PRKCA: variants seen among roughly 807,000 people sequenced by gnomAD.
The protein encoded by PRKCA is protein kinase C alpha.
A neutral mutation model predicts 87.0 loss-of-function variants in PRKCA; 27 were observed. The ratio of observed to expected loss-of-function variants is 0.31; its 90% confidence interval spans 0.23 to 0.43. The LOEUF is 0.43. Among genes scored for constraint, PRKCA ranks in the 20% least tolerant of loss-of-function variants. PRKCA has a pLI of 1.00. For missense variants in PRKCA, 518 were observed against 852.3 expected (o/e 0.61, Z 4.88); for synonymous variants, 329 against 311.1 (o/e 1.06, Z -0.61).
At chr17:66,647,819 A>G (rs1451785440) in intron 5 of PRKCA, among the ~76,000 whole-genome samples, 2 of 152,188 alleles carry the variant, frequency 1.3e-5, no homozygotes, top group South Asian at 2.1e-4. Flanking sequence ...AAAGCCAGCC[A>G]GTATTGCTTA....
In PRKCA at chr17:66,350,841, C is replaced by T. The variant is rs76352129; in HGVS notation, c.205+44714C>T. ...TGACTAGCCTGGGACCAGTTTTTGA[C>T]GGTCCCTAGCCTTCCATGAGCATTC... is the stretch of plus-strand genomic sequence containing the variant. On this transcript the variant is annotated intron_variant, in intron 2 of 16. Transcript: ENST00000413366. Among the ~76,000 whole-genome samples the T allele has an allele frequency of 3.7e-3, 557 of 152,276 alleles. 1 individual carries two copies. Among genetic ancestry groups the T allele is most frequent in the Non-Finnish European group, 6.4e-3 (433 of 68,016 alleles).
intron 8 of PRKCA, among the ~76,000 whole-genome samples, chr17:66,718,280 A>G (rs1388317964): frequency 1.3e-5 from 2 of 152,152 alleles, no homozygotes; most frequent in African/African-American, 2.4e-5. Flanking sequence ...CACATGGTAG[A>G]TGGGATGAGG....
chr17:66,418,360 G>A (rs1371870291), intron 2 of PRKCA, among the ~76,000 whole-genome samples: 1 of 151,852 alleles, frequency 6.6e-6, no homozygotes, highest in East Asian at 1.9e-4. Context: ...ATAATATACA[G>A]TAAACAGTAA....
intron 3 of PRKCA, among the ~76,000 whole-genome samples, chr17:66,507,329 G>T (rs773760817): frequency 6.6e-6 from 1 of 152,208 alleles, no homozygotes; most frequent in Non-Finnish European, 1.5e-5. Context: ...GCAGTAGTAA[G>T]TGGAGCACTA....
intron 3 of PRKCA, among the ~76,000 whole-genome samples, chr17:66,595,356 T>C (rs993479589): frequency 2.0e-5 from 3 of 152,062 alleles, no homozygotes; most frequent in Admixed American, 6.6e-5. Context: ...CTTTCGCAAG[T>C]ACATCAGTCG....
chr17:66,568,206 A>G (rs1968957462), intron 3 of PRKCA, among the ~76,000 whole-genome samples: 1 of 152,088 alleles, frequency 6.6e-6, no homozygotes. Context: ...CCCAGCTGCT[A>G]GGGAGGCTGA....
intron 2 of PRKCA, among the ~76,000 whole-genome samples, chr17:66,342,654 A>G (rs1907114915): frequency 6.6e-6 from 1 of 152,002 alleles, no homozygotes; most frequent in Non-Finnish European, 1.5e-5. Flanking sequence ...GGAGGCAGAG[A>G]GAGGAAAAGT....
At chr17:66,480,713 G>T (rs1324070233) in intron 2 of PRKCA, among the ~76,000 whole-genome samples, 2 of 151,632 alleles carry the variant, frequency 1.3e-5, no homozygotes, top group African/African-American at 4.8e-5. Flanking sequence ...TGAAACCAAA[G>T]CCAAACCAGA....
intron 11 of PRKCA, among the ~76,000 whole-genome samples, chr17:66,739,458 A>T (rs1056054402): frequency 1.3e-5 from 2 of 152,204 alleles, no homozygotes; most frequent in African/African-American, 4.8e-5. Context: ...TGCACCAGGC[A>T]CTGGGGTTGC....
At chr17:66,774,540 A>T in intron 14 of PRKCA, 1 of 794,532 alleles carries the variant, frequency 1.3e-6, no homozygotes, top group Non-Finnish European at 1.5e-6. Flanking sequence ...AGAATTGCTT[A>T]AGCCTGAGAG....
At chr17:66,388,296 CT>C (rs113272101) in intron 2 of PRKCA, among the ~76,000 whole-genome samples, 28 of 148,060 alleles carry the variant, frequency 1.9e-4, no homozygotes, top group Admixed American at 2.0e-4. Context: ...ATACTTACCT[CT>C]TTTTTTTTTT....
chr17:66,736,764 A>C (rs1974039749), intron 10 of PRKCA, among the ~76,000 whole-genome samples: 2 of 152,216 alleles, frequency 1.3e-5, no homozygotes, highest in Non-Finnish European at 2.9e-5. Context: ...AAAGAGTCAT[A>C]TATCGTGACA....
At chr17:66,726,473 G>C (rs574078226) in intron 8 of PRKCA, among the ~76,000 whole-genome samples, 3 of 152,338 alleles carry the variant, frequency 2.0e-5, no homozygotes, top group South Asian at 4.1e-4. Flanking sequence ...GAGAAGGAAG[G>C]AGTGTTGGGG....
chr17:66,498,231 AT>A (rs1916570180), intron 3 of PRKCA, among the ~76,000 whole-genome samples: 1 of 152,138 alleles, frequency 6.6e-6, no homozygotes, highest in Non-Finnish European at 1.5e-5. Context: ...AGAGATAAAA[AT>A]AGCTGGAACG....
rs1264846926 is a variant in PRKCA, at chr17:66,808,564, AC to A, written c.*4528del. The A allele has an allele frequency of 6.6e-6, 1 of 152,214 alleles. No individual in the cohort carries two copies. The highest frequency in any genetic ancestry group is 1.5e-5 in the Non-Finnish European group (1 of 67,994). The allele number at this position is 152,214 out of a possible 1,614,324, so 9.4% of individuals were successfully genotyped here. On this transcript the variant is annotated 3_prime_UTR_variant, in exon 17 of 17. Coordinates refer to ENST00000413366, the MANE Select transcript of PRKCA (RefSeq NM_002737.3). ...CACACCAGACAATCGTAATCACAAA[AC>A]AGACACTGAGCCAGGGGCCCAAAGG...
At chr17:66,438,433 C>G (rs1183608141) in intron 2 of PRKCA, among the ~76,000 whole-genome samples, 2 of 152,130 alleles carry the variant, frequency 1.3e-5, no homozygotes, top group Admixed American at 1.3e-4. Flanking sequence ...GAACACCCAA[C>G]TGGGCTTTTT....
In PRKCA at chr17:66,302,739, C is replaced by G. The variant is rs549217891; in HGVS notation, c.-113C>G. The G allele has an allele frequency of 1.6e-3, 1,267 of 797,072 alleles. 3 individuals carry two copies. The highest frequency in any genetic ancestry group is 1.9e-3 in the Non-Finnish European group (1,204 of 644,468). The allele number at this position is 797,072 out of a possible 1,614,324, so 49.4% of individuals were successfully genotyped here. A position where few individuals can be genotyped will look rare whatever the true frequency, so the allele number is the denominator to read the frequency against. On this transcript the variant is annotated 5_prime_UTR_variant, in exon 1 of 17. Coordinates refer to ENST00000413366, the MANE Select transcript of PRKCA (RefSeq NM_002737.3). Reference sequence around the variant, plus strand: ...CGCCGCGACCTCGGCCACCGGCCCGCGCCCCGCGCCCGGGGTCGCCCCGAG... The same window carrying G: ...CGCCGCGACCTCGGCCACCGGCCCGGGCCCCGCGCCCGGGGTCGCCCCGAG...
At chr17:66,358,411 T>G (rs528666191) in intron 2 of PRKCA, among the ~76,000 whole-genome samples, 2 of 152,206 alleles carry the variant, frequency 1.3e-5, no homozygotes, top group South Asian at 4.1e-4. Flanking sequence ...AGAGATGAGA[T>G]TTGTTCATAT....
rs1404643413 is a variant in PRKCA at position 66,688,325 on chromosome 17, A to G, written c.710A>G (p.Asp237Gly). The G allele has an allele frequency of 6.2e-7, 1 of 1,614,058 alleles. No individual in the cohort carries two copies. The highest frequency in any genetic ancestry group is 1.3e-5 in the African/African-American group (1 of 74,944). Reference sequence around the variant, plus strand: ...AGCAAATTGAAACCTTCAGACAAAGACCGACGACTGTCTGTAGAAATCTGG... The same window carrying G: ...AGCAAATTGAAACCTTCAGACAAAGGCCGACGACTGTCTGTAGAAATCTGG... The part of the protein sequence containing the change: ...FTFKLKPSDK[D>G]RRLSVEIWDW... Residue 237 changes from aspartate (D) to glycine (G), a missense_variant, in exon 7 of 17, where the codon GAC (aspartate) becomes GGC (glycine). Asp to Gly is a moderately conservative substitution (Grantham distance 94). Transcript: ENST00000413366.
Sources: allele counts gnomAD v4.1 joint callset (sites outside exome capture counted in the v4.1 genomes callset), GRCh38; gene constraint gnomAD v4.1.1; transcripts MANE v1.5; gene names NCBI Gene and HGNC (gene_info 2026-07-23, HGNC 2026-07-21).